Variants in IFT43 observed in about 807,000 individuals in gnomAD.
The protein encoded by IFT43 is intraflagellar transport 43, also known as intraflagellar transport protein 43 homolog.
IFT43 carries 33 observed loss-of-function variants against 32.3 expected under a neutral mutation model. That is an observed-to-expected ratio of 1.02 (90% CI 0.77 to 1.37). The LOEUF (loss-of-function observed/expected upper bound fraction) is 1.37. Ranked by LOEUF, IFT43 falls within the 40% of genes most tolerant of loss-of-function variation. The pLI is 0.00. For missense variants in IFT43, 274 were observed against 265.9 expected (o/e 1.03, Z -0.21); for synonymous variants, 93 against 98.2 (o/e 0.95, Z 0.31).
intron 3 of IFT43, among the ~76,000 whole-genome samples, chr14:76,046,298 G>A (rs1028607917): frequency 1.3e-5 from 2 of 152,134 alleles, no homozygotes; most frequent in African/African-American, 4.8e-5. Context: ...TTTGTGAGCG[G>A]GATAAAATGT....
At position 75,988,896 on chromosome 14, in the gene IFT43, G is replaced by A; in HGVS notation, c.66G>A (p.Met22Ile). 2.5e-6 allele frequency: 4 copies of A among 1,613,952 alleles called. No homozygotes were observed. Among genetic ancestry groups the A allele is most frequent in the Non-Finnish European group, 3.4e-6 (4 of 1,179,990 alleles). The change falls in exon 2 of 9, where the codon ATG becomes ATA. Residue 22 changes from methionine (M) to isoleucine (I), a missense_variant. Physicochemically the swap from Met to Ile is conservative, Grantham distance 10 (BLOSUM62 1). Coordinates refer to ENST00000314067, the MANE Select transcript of IFT43 (RefSeq NM_001102564.3). The stretch of plus-strand genomic sequence containing the variant: ...GTTTCTCCTTACAGAGGGCCAAGAT[G>A]GGTCGCCGAGCTCAACAGGAGTCAG... The part of the protein sequence containing the change: ...RYSLATSRAK[M>I]GRRAQQESAQ...
At chr14:76,068,582 G>A (rs2037267026) in intron 5 of IFT43, among the ~76,000 whole-genome samples, 1 of 152,168 alleles carries the variant, frequency 6.6e-6, no homozygotes, top group South Asian at 2.1e-4. Flanking sequence ...TCAAACTGTA[G>A]GATGGCAAAA....
chr14:76,010,218 C>T (rs1186472362), intron 2 of IFT43, among the ~76,000 whole-genome samples: 2 of 152,196 alleles, frequency 1.3e-5, no homozygotes, highest in African/African-American at 2.4e-5. Context: ...CCTCCGTCAC[C>T]TGTAGTCATG....
At chr14:76,043,374 G>A (rs2036743605) in intron 3 of IFT43, among the ~76,000 whole-genome samples, 1 of 151,966 alleles carries the variant, frequency 6.6e-6, no homozygotes, top group African/African-American at 2.4e-5. Flanking sequence ...AAGAGCTCGT[G>A]TGCAGGGCCT....
chr14:76,000,985 T>C (rs1473699947), intron 2 of IFT43, among the ~76,000 whole-genome samples: 2 of 152,234 alleles, frequency 1.3e-5, no homozygotes, highest in African/African-American at 4.8e-5. Context: ...AGTTGGAAAC[T>C]AGTGATAACA....
At chr14:75,995,316 A>T (rs1381111814) in intron 2 of IFT43, among the ~76,000 whole-genome samples, 1 of 152,156 alleles carries the variant, frequency 6.6e-6, no homozygotes, top group East Asian at 1.9e-4. Context: ...AAGGGCGGAG[A>T]GACTTAGGGT....
chr14:76,075,280 T>C (rs993011075), intron 5 of IFT43, among the ~76,000 whole-genome samples: 5 of 152,194 alleles, frequency 3.3e-5, no homozygotes, highest in Non-Finnish European at 7.3e-5. Flanking sequence ...TGGACCCAGC[T>C]CTAATCAGGT....
intron 2 of IFT43, among the ~76,000 whole-genome samples, chr14:76,004,172 G>A (rs2035940610): frequency 6.6e-6 from 1 of 152,122 alleles, no homozygotes; most frequent in East Asian, 1.9e-4. Flanking sequence ...TTCCATCTGG[G>A]GGTGTCATTT....
chr14:76,054,805 A>C (rs1245129018), intron 3 of IFT43, among the ~76,000 whole-genome samples: 1 of 152,224 alleles, frequency 6.6e-6, no homozygotes, highest in East Asian at 1.9e-4. Context: ...GGCTGGGCCC[A>C]GGTCACACAA....
intron 3 of IFT43, among the ~76,000 whole-genome samples, chr14:76,057,440 G>A (rs1347786870): frequency 2.0e-5 from 3 of 151,884 alleles, no homozygotes; most frequent in Non-Finnish European, 4.4e-5. Flanking sequence ...CATGTTGGAC[G>A]GGCTGGTCTC....
intron 2 of IFT43, among the ~76,000 whole-genome samples, chr14:75,999,249 AT>A (rs1182020376): frequency 2.2e-4 from 3 of 13,796 alleles, no homozygotes; most frequent in Admixed American, 1.6e-3. Context: ...ATATATATAT[AT>A]ATATATATAT....
intron 3 of IFT43, among the ~76,000 whole-genome samples, chr14:76,037,897 C>T (rs1194064766): frequency 3.9e-5 from 6 of 152,114 alleles, no homozygotes; most frequent in Non-Finnish European, 5.9e-5. Flanking sequence ...TTACAGAGCT[C>T]TAATAATTGA....
At chr14:76,069,666 G>C (rs774956229) in intron 5 of IFT43, among the ~76,000 whole-genome samples, 1 of 152,182 alleles carries the variant, frequency 6.6e-6, no homozygotes. Context: ...GTTCATCTCA[G>C]AGCTAAATTC....
At position 75,988,970 on chromosome 14, in the gene IFT43, C is replaced by T. The variant is rs750551730; in HGVS notation, c.140C>T (p.Thr47Ile). 2 of 1,613,734 alleles carry T rather than the reference C, an allele frequency of 1.2e-6. No homozygotes were observed. The highest frequency in any genetic ancestry group is 2.2e-5 in the East Asian group (1 of 44,890). ...LNGKNSSLTLTGETSSAKLPR... is the reference protein window; with the variant it reads ...LNGKNSSLTLIGETSSAKLPR... ...GGCAAGAATTCCTCTTTGACTCTGACTGGAGAGGTGGGTGCTAAAAAAAAA... is the reference window on the plus strand; with the variant it reads ...GGCAAGAATTCCTCTTTGACTCTGATTGGAGAGGTGGGTGCTAAAAAAAAA... The change falls in exon 2 of 9, where the codon ACT becomes ATT. Residue 47 changes from threonine (T) to isoleucine (I), a missense_variant. Transcript: ENST00000314067.
chr14:76,003,158 C>T (rs1379198096), intron 2 of IFT43, among the ~76,000 whole-genome samples: 2 of 152,152 alleles, frequency 1.3e-5, no homozygotes, highest in Non-Finnish European at 2.9e-5. Flanking sequence ...TTTCTGGTCA[C>T]GTGCTTTTAC....
intron 1 of IFT43, 94 bp downstream of exon 1, chr14:75,985,934 G>T: frequency 1.9e-6 from 3 of 1,555,710 alleles, no homozygotes; most frequent in South Asian, 2.3e-5. Context: ...GACTCAGGGC[G>T]GCAGGCCTCG....
intron 3 of IFT43, among the ~76,000 whole-genome samples, chr14:76,055,605 CTG>C (rs2036998217): frequency 6.6e-6 from 1 of 152,174 alleles, no homozygotes; most frequent in Admixed American, 6.5e-5. Context: ...GTGCTAGATT[CTG>C]TGTCTTTTGC....
chr14:75,996,552 C>T (rs2035751488), intron 2 of IFT43, among the ~76,000 whole-genome samples: 1 of 152,214 alleles, frequency 6.6e-6, no homozygotes, highest in Non-Finnish European at 1.5e-5. Flanking sequence ...ACAACTGGCC[C>T]TTATGGCAAA....
intron 4 of IFT43, 44 bp downstream of exon 4, chr14:76,058,718 C>T: frequency 6.2e-7 from 1 of 1,609,676 alleles, no homozygotes; most frequent in Non-Finnish European, 8.5e-7. Flanking sequence ...CTATGTTGAT[C>T]TTGGTCAACA....
Sources: allele counts gnomAD v4.1 joint callset (sites outside exome capture counted in the v4.1 genomes callset), GRCh38; gene constraint gnomAD v4.1.1; transcripts MANE v1.5; gene names NCBI Gene and HGNC (gene_info 2026-07-23, HGNC 2026-07-21).